ATP10B: variants seen among roughly 807,000 people sequenced by gnomAD.
ATP10B encodes the protein phospholipid-transporting ATPase VB.
A neutral mutation model predicts 141.2 loss-of-function variants in ATP10B; 122 were observed. That is an observed-to-expected ratio of 0.86 (90% CI 0.75 to 1.00). The LOEUF (loss-of-function observed/expected upper bound fraction) is 1.00. Among genes scored for constraint, ATP10B ranks in the 50% least tolerant of loss-of-function variants. The probability of loss-of-function intolerance (pLI) is 0.00; values close to 1 mark genes in which losing one functional copy is unlikely to be tolerated. For missense variants in ATP10B, 1,876 were observed against 1,825.3 expected (o/e 1.03, Z -0.51); for synonymous variants, 685 against 692.0 (o/e 0.99, Z 0.16).
the ATP10B span, among the ~76,000 whole-genome samples, chr5:160,880,708 C>G: frequency 6.6e-6 from 1 of 152,058 alleles, no homozygotes; most frequent in African/African-American, 2.4e-5. Flanking sequence ...ACTGTCTTTT[C>G]AAGAAATGGT....
At chr5:160,892,086 A>AT in the ATP10B span, among the ~76,000 whole-genome samples, 2 of 152,322 alleles carry the variant, frequency 1.3e-5, no homozygotes, top group South Asian at 4.1e-4. Context: ...TAAATTAATG[A>AT]TTTTTTTCTT....
chr5:160,830,918 T>C (rs1216521379), intron 1 of ATP10B, among the ~76,000 whole-genome samples: 2 of 151,410 alleles, frequency 1.3e-5, no homozygotes, highest in Non-Finnish European at 2.9e-5. Context: ...TCTCTATCCC[T>C]GTTTCTGTAT....
Position 160,685,032 on chromosome 5 carries a change from G to T in ATP10B, c.470+1047C>A, listed in dbSNP as rs1305167230. ...CCACAAAATAGAGATTGGCAAACCG[G>T]TGTAGCTGCTCAAAAATGTTTTTGG... On this transcript the variant is annotated intron_variant, in intron 6 of 25. Transcript: ENST00000327245. 2.7e-5 allele frequency: 19 copies of T among 703,468 alleles called. No individual in the cohort carries two copies. In the East Asian group the frequency reaches 5.1e-4, roughly 19 times the overall value. The allele number at this position is 703,468 out of a possible 1,614,324, so 43.6% of individuals were successfully genotyped here. A position where few individuals can be genotyped will look rare whatever the true frequency, so the allele number is the denominator to read the frequency against.
intron 1 of ATP10B, among the ~76,000 whole-genome samples, chr5:160,814,615 A>C (rs940179244): frequency 2.6e-5 from 4 of 151,784 alleles, no homozygotes; most frequent in Non-Finnish European, 5.9e-5. Flanking sequence ...CCAACATTCA[A>C]ATTCAGGAAA....
intron 1 of ATP10B, among the ~76,000 whole-genome samples, chr5:160,813,439 G>A (rs1233500926): frequency 6.6e-6 from 1 of 152,208 alleles, no homozygotes; most frequent in Non-Finnish European, 1.5e-5. Context: ...CTGGGGGAAG[G>A]GCACCCACCA....
the ATP10B span, among the ~76,000 whole-genome samples, chr5:160,887,978 T>A: frequency 2.0e-5 from 3 of 152,228 alleles, 1 homozygote; most frequent in East Asian, 5.8e-4. Context: ...ACTGCAAAAA[T>A]CCCAGGCATC....
chr5:160,778,403 G>A (rs764193607), intron 2 of ATP10B, among the ~76,000 whole-genome samples: 4 of 151,974 alleles, frequency 2.6e-5, no homozygotes, highest in Non-Finnish European at 5.9e-5. Flanking sequence ...AAAGTGAAAG[G>A]AAGAAGTTGT....
intron 1 of ATP10B, among the ~76,000 whole-genome samples, chr5:160,801,302 C>T: frequency 6.6e-6 from 1 of 152,178 alleles, no homozygotes; most frequent in East Asian, 1.9e-4. Flanking sequence ...TCCTGCAGTG[C>T]CTTTACTTAT....
chr5:160,905,513 G>C, the ATP10B span, among the ~76,000 whole-genome samples: 388 of 152,256 alleles, frequency 2.5e-3, 1 homozygote, highest in African/African-American at 9.1e-3. Flanking sequence ...AGCTAGTTGT[G>C]ACTCATAGCT....
chr5:160,808,016 C>A (rs962825577), intron 1 of ATP10B, among the ~76,000 whole-genome samples: 4 of 152,104 alleles, frequency 2.6e-5, no homozygotes, highest in African/African-American at 4.8e-5. Flanking sequence ...ACTATAATAG[C>A]TTGAATAAAA....
chr5:160,743,855 A>C (rs1479460412), intron 2 of ATP10B, among the ~76,000 whole-genome samples: 1 of 152,132 alleles, frequency 6.6e-6, no homozygotes, highest in African/African-American at 2.4e-5. Flanking sequence ...TTGATTGTCG[A>C]AAGTAGGGGA....
At chr5:160,628,154 C>T (rs1758705790) in intron 13 of ATP10B, among the ~76,000 whole-genome samples, 1 of 152,232 alleles carries the variant, frequency 6.6e-6, no homozygotes, top group African/African-American at 2.4e-5. Context: ...TAAATAGGAA[C>T]ACATGGATTG....
At chr5:160,858,845 ACTT>A in the ATP10B span, among the ~76,000 whole-genome samples, 371 of 151,990 alleles carry the variant, frequency 2.4e-3, no homozygotes, top group African/African-American at 7.7e-3. Context: ...TAAAAAATTT[ACTT>A]CTTTTCTCCT....
intron 2 of ATP10B, among the ~76,000 whole-genome samples, chr5:160,775,751 G>A (rs7447360): frequency 0.15 from 22,083 of 147,542 alleles, 1,763 homozygotes; most frequent in African/African-American, 0.21. Context: ...CGCGATCTCG[G>A]CTCGCTGCAA....
chr5:160,622,379 A>T lies in ATP10B; in HGVS notation c.1812+15T>A, dbSNP rs950277763. 6.2e-7 allele frequency: 1 copy of T among 1,600,454 alleles called. No homozygotes were observed. Among genetic ancestry groups the T allele is most frequent in the Non-Finnish European group, 8.5e-7 (1 of 1,174,488 alleles). On this transcript the variant is annotated intron_variant, in intron 14 of 25. Coordinates refer to ENST00000327245, the MANE Select transcript of ATP10B (RefSeq NM_025153.3). ...CCTCCTTTACCCTCCTCCCCCAGCC[A>T]TCGCTGGTCCTTACCCTCTGCCTGG...
At chr5:160,736,646 A>G (rs1013169012) in intron 2 of ATP10B, among the ~76,000 whole-genome samples, 1 of 152,048 alleles carries the variant, frequency 6.6e-6, no homozygotes, top group Non-Finnish European at 1.5e-5. Context: ...TGTAGTCCCA[A>G]CTACCTGGGA....
At chr5:160,881,583 C>A in the ATP10B span, among the ~76,000 whole-genome samples, 9 of 152,036 alleles carry the variant, frequency 5.9e-5, no homozygotes, top group African/African-American at 1.9e-4. Context: ...GAGGCCGAGG[C>A]GGGTGGATCA....
intron 2 of ATP10B, among the ~76,000 whole-genome samples, chr5:160,767,402 T>C (rs1321866663): frequency 6.6e-6 from 1 of 152,108 alleles, no homozygotes; most frequent in East Asian, 1.9e-4. Context: ...GGAGAGATAT[T>C]TTCATCCCCT....
intron 2 of ATP10B, among the ~76,000 whole-genome samples, chr5:160,765,426 G>A (rs900760902): frequency 4.6e-5 from 7 of 151,940 alleles, no homozygotes; most frequent in African/African-American, 1.7e-4. Flanking sequence ...TATAGCCAAT[G>A]GATCTTCGAC....
Sources: gnomAD v4.1 joint callset for allele counts (sites outside exome capture counted in the v4.1 genomes callset) on GRCh38, gnomAD v4.1.1 for gene constraint, MANE v1.5 for transcripts, NCBI Gene and HGNC (gene_info 2026-07-23, HGNC 2026-07-21) for gene names.